The following UBE2E2 variants were observed in gnomAD, a reference collection of about 807,000 sequenced individuals.
The protein encoded by UBE2E2 is ubiquitin-conjugating enzyme E2 E2.
UBE2E2 carries 6 observed loss-of-function variants against 24.7 expected under a neutral mutation model. The observed-to-expected ratio is 0.24, with a 90% CI of 0.13 to 0.48. The LOEUF (loss-of-function observed/expected upper bound fraction) is 0.48, where lower values mean the gene tolerates loss of function less well. Ranked by LOEUF, UBE2E2 falls within the 20% of genes least tolerant of loss-of-function variation. The pLI, the probability that UBE2E2 is intolerant of heterozygous loss-of-function variation, is 0.99. For missense variants in UBE2E2, 169 were observed against 245.0 expected (o/e 0.69, Z 2.07); for synonymous variants, 104 against 83.6 (o/e 1.24, Z -1.33).
chr3:23,513,986 T>C (rs945940203), intron 4 of UBE2E2, among the ~76,000 whole-genome samples: 4 of 152,238 alleles, frequency 2.6e-5, no homozygotes, highest in African/African-American at 7.2e-5. Flanking sequence ...GATTTGTCAC[T>C]GCCCTGCTTA....
chr3:23,560,676 C>A (rs1695905738), intron 5 of UBE2E2, among the ~76,000 whole-genome samples: 3 of 152,036 alleles, frequency 2.0e-5, no homozygotes, highest in African/African-American at 7.2e-5. Flanking sequence ...AGTTTACAGT[C>A]CCACCAACAG....
chr3:23,381,926 C>G (rs1204001749), intron 3 of UBE2E2, among the ~76,000 whole-genome samples: 1 of 152,166 alleles, frequency 6.6e-6, no homozygotes, highest in African/African-American at 2.4e-5. Context: ...GGCGGAATGG[C>G]TGCTTACTGT....
At chr3:23,499,195 G>A (rs541350073) in intron 3 of UBE2E2, among the ~76,000 whole-genome samples, 1 of 152,316 alleles carries the variant, frequency 6.6e-6, no homozygotes, top group Non-Finnish European at 1.5e-5. Flanking sequence ...GACTTTGGAT[G>A]ATGAACATTG....
intron 3 of UBE2E2, among the ~76,000 whole-genome samples, chr3:23,445,985 GC>G (rs1293748077): frequency 6.6e-6 from 1 of 152,106 alleles, no homozygotes; most frequent in Non-Finnish European, 1.5e-5. Flanking sequence ...TAGGTCTTCA[GC>G]CTGGGGGAAC....
chr3:23,514,655 A>G (rs1322913045), intron 4 of UBE2E2, among the ~76,000 whole-genome samples: 2 of 151,922 alleles, frequency 1.3e-5, no homozygotes, highest in Non-Finnish European at 2.9e-5. Flanking sequence ...GAAATGACAA[A>G]TGGAAGGAGG....
At chr3:23,483,179 A>G (rs1236486999) in intron 3 of UBE2E2, among the ~76,000 whole-genome samples, 1 of 152,182 alleles carries the variant, frequency 6.6e-6, no homozygotes, top group Non-Finnish European at 1.5e-5. Flanking sequence ...TGTTGCATGG[A>G]AAAGAAGATG....
At chr3:23,549,894 G>A (rs892146223) in intron 5 of UBE2E2, among the ~76,000 whole-genome samples, 2 of 151,984 alleles carry the variant, frequency 1.3e-5, no homozygotes, top group Non-Finnish European at 2.9e-5. Context: ...TTAGCTGAGC[G>A]TGGTGGGAGG....
chr3:23,357,399 G>A (rs1695987219), intron 3 of UBE2E2, among the ~76,000 whole-genome samples: 1 of 152,106 alleles, frequency 6.6e-6, no homozygotes, highest in South Asian at 2.1e-4. Flanking sequence ...GGAGATATGT[G>A]TGTGTGTGTG....
intron 2 of UBE2E2, among the ~76,000 whole-genome samples, chr3:23,212,053 T>C (rs1696341057): frequency 6.6e-6 from 1 of 152,236 alleles, no homozygotes; most frequent in Non-Finnish European, 1.5e-5. Flanking sequence ...AGTTATTATA[T>C]GAAATGTACT....
At chr3:23,233,314 C>T (rs1364035270) in intron 3 of UBE2E2, among the ~76,000 whole-genome samples, 1 of 152,152 alleles carries the variant, frequency 6.6e-6, no homozygotes, top group Non-Finnish European at 1.5e-5. Flanking sequence ...TACATCACTT[C>T]AGTAAATGCT....
At chr3:23,290,889 T>TAAAAAA (rs71051209) in intron 3 of UBE2E2, among the ~76,000 whole-genome samples, 2 of 86,766 alleles carry the variant, frequency 2.3e-5, no homozygotes, top group African/African-American at 9.7e-5. Context: ...ACTGTGTGTC[T>TAAAAAA]AAAAAAAAAA....
intron 3 of UBE2E2, among the ~76,000 whole-genome samples, chr3:23,354,947 C>G (rs1455373478): frequency 6.6e-6 from 1 of 151,934 alleles, no homozygotes; most frequent in South Asian, 2.1e-4. Flanking sequence ...TATTGCGGCA[C>G]TATTCACAAT....
intron 4 of UBE2E2, among the ~76,000 whole-genome samples, chr3:23,510,316 C>A (rs1694564990): frequency 6.6e-6 from 1 of 152,076 alleles, no homozygotes; most frequent in Non-Finnish European, 1.5e-5. Context: ...AAATAAAATG[C>A]ATCTAGGGGA....
intron 3 of UBE2E2, among the ~76,000 whole-genome samples, chr3:23,464,373 A>C (rs1012804098): frequency 6.6e-6 from 1 of 152,194 alleles, no homozygotes; most frequent in African/African-American, 2.4e-5. Flanking sequence ...TATTGGTTGC[A>C]GTATAGAAAG....
intron 3 of UBE2E2, among the ~76,000 whole-genome samples, chr3:23,257,528 C>A (rs1184239175): frequency 0.012 from 146 of 11,804 alleles, 4 homozygotes; most frequent in South Asian, 0.092. Context: ...CCCCCCCCCC[C>A]ACTTTTTTTT....
chr3:23,541,827 A>T (rs1482219681), intron 5 of UBE2E2, among the ~76,000 whole-genome samples: 1 of 152,226 alleles, frequency 6.6e-6, no homozygotes, highest in African/African-American at 2.4e-5. Context: ...AGGCTGATGT[A>T]GTTAGTACCT....
intron 3 of UBE2E2, among the ~76,000 whole-genome samples, chr3:23,350,534 T>C (rs1332784085): frequency 1.3e-5 from 2 of 152,092 alleles, no homozygotes; most frequent in African/African-American, 2.4e-5. Flanking sequence ...TACAGAGAAG[T>C]GCTTAAAGGA....
chr3:23,298,599 T>G (rs1221894646), intron 3 of UBE2E2, among the ~76,000 whole-genome samples: 1 of 152,004 alleles, frequency 6.6e-6, no homozygotes, highest in Admixed American at 6.6e-5. Flanking sequence ...TTTATTGATT[T>G]GCATATATTG....
intron 3 of UBE2E2, among the ~76,000 whole-genome samples, chr3:23,365,900 G>C (rs1238196182): frequency 6.6e-6 from 1 of 152,068 alleles, no homozygotes; most frequent in African/African-American, 2.4e-5. Flanking sequence ...GCACAATAGT[G>C]GTACAAAAAG....
Sources: allele counts gnomAD v4.1 joint callset (sites outside exome capture counted in the v4.1 genomes callset), GRCh38; gene constraint gnomAD v4.1.1; transcripts MANE v1.5; gene names NCBI Gene and HGNC (gene_info 2026-07-23, HGNC 2026-07-21).